MLLT3: variants seen among roughly 807,000 people sequenced by gnomAD.
MLLT3 encodes protein AF-9.
Under a neutral mutation model 53.2 loss-of-function variants are expected in MLLT3, and 4 were observed. The observed-to-expected ratio is 0.08, with a 90% CI of 0.04 to 0.17. MLLT3 has a LOEUF of 0.17. Ranked by LOEUF, MLLT3 falls within the 10% of genes least tolerant of loss-of-function variation. The probability of loss-of-function intolerance (pLI) is 1.00; values close to 1 mark genes in which losing one functional copy is unlikely to be tolerated. For synonymous variants in MLLT3, 283 were observed against 230.6 expected, an observed-to-expected ratio of 1.23 and a Z score of -2.06; for missense variants, 569 against 684.0, an observed-to-expected ratio of 0.83 and a Z score of 1.87.
chr9:20,442,211 A>T (rs1174642968), intron 4 of MLLT3, among the ~76,000 whole-genome samples: 1 of 152,146 alleles, frequency 6.6e-6, no homozygotes, highest in Non-Finnish European at 1.5e-5. Flanking sequence ...ATTGGGGGAG[A>T]GGGTAGTTTA....
chr9:20,474,449 C>T (rs1451517511), intron 2 of MLLT3, among the ~76,000 whole-genome samples: 3 of 152,046 alleles, frequency 2.0e-5, no homozygotes, highest in Non-Finnish European at 1.5e-5. Flanking sequence ...CAAGGTATTG[C>T]TGTTAATATA....
At chr9:20,465,777 G>T (rs1824224171) in intron 2 of MLLT3, among the ~76,000 whole-genome samples, 1 of 152,046 alleles carries the variant, frequency 6.6e-6, no homozygotes, top group African/African-American at 2.4e-5. Context: ...ATGGCATTTG[G>T]CATAGTGGTA....
intron 3 of MLLT3, among the ~76,000 whole-genome samples, chr9:20,449,669 C>A (rs774443692): frequency 2.0e-5 from 3 of 152,142 alleles, no homozygotes; most frequent in Non-Finnish European, 4.4e-5. Flanking sequence ...ACTCAAAATT[C>A]ATGGTTTCCA....
In MLLT3 at chr9:20,604,627, T is replaced by C. The variant is rs1006481811; in HGVS notation, c.193+16027A>G. ...CATATCTGCAAAGTAGAAATGATAG[T>C]GTTTGAAACTAATAGGGTTAAACAA... On this transcript the variant is annotated intron_variant, in intron 2 of 10. Transcript: ENST00000380338. 5.9e-5 allele frequency among the ~76,000 whole-genome samples: 9 copies of C among 152,104 alleles called. No homozygotes were observed. The East Asian group carries it at 7.7e-4, about 13-fold the overall frequency.
At chr9:20,497,277 T>C (rs1288326732) in intron 2 of MLLT3, among the ~76,000 whole-genome samples, 1 of 152,230 alleles carries the variant, frequency 6.6e-6, no homozygotes, top group Non-Finnish European at 1.5e-5. Flanking sequence ...CTTTTTGCTC[T>C]ATCTTTATTA....
chr9:20,458,420 C>T (rs937199525), intron 2 of MLLT3, among the ~76,000 whole-genome samples: 2 of 152,174 alleles, frequency 1.3e-5, no homozygotes, highest in Non-Finnish European at 2.9e-5. Context: ...AAAATTATTT[C>T]ATCTTAGATC....
chr9:20,457,692 C>G (rs993181890), intron 2 of MLLT3, among the ~76,000 whole-genome samples: 1 of 152,138 alleles, frequency 6.6e-6, no homozygotes, highest in Admixed American at 6.5e-5. Context: ...CACTTAAGAT[C>G]TAATCACATC....
At chr9:20,444,955 G>C (rs889021165) in intron 4 of MLLT3, among the ~76,000 whole-genome samples, 1 of 151,506 alleles carries the variant, frequency 6.6e-6, no homozygotes, top group Non-Finnish European at 1.5e-5. Flanking sequence ...AGTAAATGTG[G>C]TGGCGTGCAT....
chr9:20,593,996 A>G (rs183460274), intron 2 of MLLT3, among the ~76,000 whole-genome samples: 54 of 148,820 alleles, frequency 3.6e-4, no homozygotes, highest in Middle Eastern at 3.4e-3. Context: ...GCTGGAGTGC[A>G]GTGGTGTGAT....
At chr9:20,410,519 T>C (rs1442522730) in intron 5 of MLLT3, 1 of 152,134 alleles carries the variant, frequency 6.6e-6, no homozygotes, top group East Asian at 1.9e-4. Flanking sequence ...ACACAGCCTG[T>C]CTGACACCAG....
intron 2 of MLLT3, among the ~76,000 whole-genome samples, chr9:20,505,452 A>G (rs1348280464): frequency 6.6e-6 from 1 of 152,262 alleles, no homozygotes; most frequent in Non-Finnish European, 1.5e-5. Context: ...AGAGAACAAG[A>G]AACTTTAAAA....
chr9:20,463,855 G>T (rs543035104), intron 2 of MLLT3, among the ~76,000 whole-genome samples: 1 of 152,174 alleles, frequency 6.6e-6, no homozygotes, highest in South Asian at 2.1e-4. Flanking sequence ...ATCTGGAAAA[G>T]CAACACTAGC....
chr9:20,501,313 T>C (rs758937175), intron 2 of MLLT3, among the ~76,000 whole-genome samples: 1 of 152,222 alleles, frequency 6.6e-6, no homozygotes, highest in Non-Finnish European at 1.5e-5. Context: ...CCTTCTGCTA[T>C]GTGTGAGGTG....
intron 2 of MLLT3, among the ~76,000 whole-genome samples, chr9:20,503,669 G>A (rs1466905412): frequency 2.0e-5 from 3 of 151,636 alleles, no homozygotes; most frequent in Non-Finnish European, 4.4e-5. Flanking sequence ...AAAAGCACAG[G>A]CAACCAAAAA....
intron 2 of MLLT3, among the ~76,000 whole-genome samples, chr9:20,533,747 A>G (rs1290123083): frequency 6.6e-6 from 1 of 152,252 alleles, no homozygotes; most frequent in Non-Finnish European, 1.5e-5. Flanking sequence ...TGCCATTTGT[A>G]GCAAAATAGA....
intron 2 of MLLT3, among the ~76,000 whole-genome samples, chr9:20,515,732 T>G (rs1288615693): frequency 1.3e-5 from 2 of 152,150 alleles, no homozygotes; most frequent in East Asian, 3.9e-4. Context: ...CCATAGTAAG[T>G]GGCCACCTCT....
intron 2 of MLLT3, among the ~76,000 whole-genome samples, chr9:20,601,947 C>T (rs1021761893): frequency 1.3e-5 from 2 of 152,044 alleles, no homozygotes; most frequent in African/African-American, 4.8e-5. Context: ...AGCTTGTCCA[C>T]CGGGCTTCAA....
At chr9:20,415,554 A>AG (rs1333354417) in intron 4 of MLLT3, 4 of 375,022 alleles carry the variant, frequency 1.1e-5, no homozygotes, top group Non-Finnish European at 1.5e-5. Flanking sequence ...CCACTTCCTA[A>AG]TGGAACCAAA....
In MLLT3 at chr9:20,568,751, C is replaced by T. The variant is rs1230379512; in HGVS notation, c.193+51903G>A. 2.0e-5 allele frequency among the ~76,000 whole-genome samples: 3 copies of T among 152,042 alleles called. No individual in the cohort carries two copies. In the East Asian group the frequency reaches 5.8e-4, roughly 29 times the overall value. On this transcript the variant is annotated intron_variant, in intron 2 of 10. Coordinates refer to ENST00000380338, the MANE Select transcript of MLLT3 (RefSeq NM_004529.4). ...CATCTGTTTAACAAGGTTTATTTCC[C>T]CTTTCAGCTAATGTTGATTAAGTCC...
Sources: gnomAD v4.1 joint callset for allele counts (sites outside exome capture counted in the v4.1 genomes callset) on GRCh38, gnomAD v4.1.1 for gene constraint, MANE v1.5 for transcripts, NCBI Gene and HGNC (gene_info 2026-07-23, HGNC 2026-07-21) for gene names.